The following DENND1A variants were observed in gnomAD, a reference collection of about 807,000 sequenced individuals.
The protein encoded by DENND1A is DENN domain containing 1A.
DENND1A carries 51 observed loss-of-function variants against 113.7 expected under a neutral mutation model. The observed-to-expected ratio is 0.45, with a 90% CI of 0.36 to 0.57. DENND1A has a LOEUF of 0.57. DENND1A is among the 20% of genes least tolerant of loss of function. The probability of loss-of-function intolerance (pLI) is 0.00; values close to 1 mark genes in which losing one functional copy is unlikely to be tolerated. For missense variants in DENND1A, 1,258 were observed against 1,395.9 expected, an observed-to-expected ratio of 0.90 and a Z score of 1.57; for synonymous variants, 565 against 570.8, an observed-to-expected ratio of 0.99 and a Z score of 0.14.
At chr9:123,813,468 C>T (rs1303909299) in intron 2 of DENND1A, among the ~76,000 whole-genome samples, 1 of 151,126 alleles carries the variant, frequency 6.6e-6, no homozygotes, top group Admixed American at 6.6e-5. Flanking sequence ...TGGTGATAAC[C>T]TTTTTATTTC....
At chr9:123,748,601 C>T (rs1434382619) in intron 5 of DENND1A, among the ~76,000 whole-genome samples, 2 of 152,192 alleles carry the variant, frequency 1.3e-5, no homozygotes, top group Non-Finnish European at 2.9e-5. Flanking sequence ...ATCCATCTTG[C>T]TCTTAAGAGT....
chr9:123,462,459 A>T (rs2048604510), intron 13 of DENND1A, among the ~76,000 whole-genome samples: 1 of 152,134 alleles, frequency 6.6e-6, no homozygotes, highest in African/African-American at 2.4e-5. Context: ...CTCAGTCCTA[A>T]ATGCTTGCCC....
At chr9:123,491,973 G>C (rs1218412946) in intron 13 of DENND1A, 1 of 152,274 alleles carries the variant, frequency 6.6e-6, no homozygotes, top group Non-Finnish European at 1.5e-5. Flanking sequence ...TAACTCTAAA[G>C]AAACAGCTGG....
At chr9:123,783,057 C>G (rs746450448) in intron 3 of DENND1A, among the ~76,000 whole-genome samples, 5 of 152,140 alleles carry the variant, frequency 3.3e-5, no homozygotes, top group Non-Finnish European at 7.4e-5. Context: ...AAATACTACA[C>G]ACAACCAAAA....
chr9:123,603,727 A>G (rs762138386), intron 11 of DENND1A, among the ~76,000 whole-genome samples: 5 of 152,224 alleles, frequency 3.3e-5, no homozygotes, highest in Non-Finnish European at 5.9e-5. Context: ...AGGTGTAGAA[A>G]AAGTAACTAA....
intron 1 of DENND1A, among the ~76,000 whole-genome samples, chr9:123,918,651 T>TA (rs1855678428): frequency 6.6e-6 from 1 of 152,120 alleles, no homozygotes; most frequent in Non-Finnish European, 1.5e-5. Context: ...TGAAAATGTT[T>TA]AAAAAATTAA....
chr9:123,636,301 CA>C (rs2061695714), intron 9 of DENND1A, among the ~76,000 whole-genome samples: 1 of 151,962 alleles, frequency 6.6e-6, no homozygotes, highest in African/African-American at 2.4e-5. Context: ...GTTCAAGGAC[CA>C]AGACCACATC....
Position 123,382,131 on chromosome 9 carries a change from C to G in DENND1A, c.2514G>C (p.Thr838=). 6.3e-7 allele frequency: 1 copy of G among 1,590,042 alleles called. No homozygotes were observed. The highest frequency in any genetic ancestry group is 8.6e-7 in the Non-Finnish European group (1 of 1,168,748). The part of the protein sequence containing the change: ...PLSPGPGAAG[T]SSDALLALLD... ...GGAGGGCGAGCAGGGCGTCACTGCT[C>G]GTGCCTGCAGCCCCGGGGCCAGGGC... The change falls in exon 24 of 24, where the codon ACG becomes ACC. Residue 838 remains threonine, a synonymous_variant. Transcript: ENST00000394215.
intron 5 of DENND1A, among the ~76,000 whole-genome samples, chr9:123,754,422 C>T (rs1049430816): frequency 3.3e-5 from 5 of 152,194 alleles, no homozygotes; most frequent in African/African-American, 1.2e-4. Context: ...GAAAAGATAG[C>T]TTCTCTACCC....
intron 13 of DENND1A, among the ~76,000 whole-genome samples, chr9:123,485,916 G>A (rs1407302881): frequency 1.3e-5 from 2 of 152,188 alleles, no homozygotes. Context: ...TAGCACTGCA[G>A]CAGATTTCAT....
intron 10 of DENND1A, among the ~76,000 whole-genome samples, chr9:123,620,468 T>G (rs910324983): frequency 6.6e-6 from 1 of 152,122 alleles, no homozygotes; most frequent in Non-Finnish European, 1.5e-5. Context: ...CAAAAGACAC[T>G]GAGGCTCAGG....
intron 19 of DENND1A, among the ~76,000 whole-genome samples, chr9:123,437,383 C>T (rs2046601283): frequency 6.6e-6 from 1 of 152,224 alleles, no homozygotes; most frequent in Non-Finnish European, 1.5e-5. Flanking sequence ...CGCTGCAGAG[C>T]TGCCGTCAGA....
chr9:123,677,601 T>G (rs967660388), intron 5 of DENND1A, among the ~76,000 whole-genome samples: 1 of 152,060 alleles, frequency 6.6e-6, no homozygotes, highest in African/African-American at 2.4e-5. Flanking sequence ...GCCTGGCTAA[T>G]TTTTGTATTT....
At chr9:123,482,620 T>G (rs1220136379) in intron 13 of DENND1A, among the ~76,000 whole-genome samples, 1 of 152,182 alleles carries the variant, frequency 6.6e-6, no homozygotes, top group East Asian at 1.9e-4. Flanking sequence ...CCCCTGGAGC[T>G]ATCACAGTCA....
intron 11 of DENND1A, among the ~76,000 whole-genome samples, chr9:123,589,257 G>A (rs561220310): frequency 5.3e-5 from 8 of 151,938 alleles, no homozygotes; most frequent in East Asian, 1.9e-4. Flanking sequence ...ATATAATATC[G>A]TCATGAAATC....
chr9:123,568,094 T>A (rs2058153289), intron 12 of DENND1A, among the ~76,000 whole-genome samples: 2 of 152,174 alleles, frequency 1.3e-5, no homozygotes, highest in Admixed American at 6.5e-5. Flanking sequence ...GATGGAGCAA[T>A]GGCAGCATGT....
intron 19 of DENND1A, among the ~76,000 whole-genome samples, chr9:123,425,521 T>C (rs1352973727): frequency 6.6e-6 from 1 of 152,260 alleles, no homozygotes; most frequent in African/African-American, 2.4e-5. Context: ...CTGAACCGAC[T>C]GACTACTCAA....
chr9:123,575,383 G>A (rs1039281840), intron 12 of DENND1A, among the ~76,000 whole-genome samples: 4 of 152,146 alleles, frequency 2.6e-5, no homozygotes, highest in Non-Finnish European at 4.4e-5. Context: ...GCTGGGTTCC[G>A]AACAGGCCAT....
intron 12 of DENND1A, among the ~76,000 whole-genome samples, chr9:123,569,148 A>C (rs184609118): frequency 2.0e-3 from 304 of 152,338 alleles, no homozygotes; most frequent in Non-Finnish European, 3.6e-3. Flanking sequence ...TGTTACGACA[A>C]ATATTAAACC....
Sources: gnomAD v4.1 joint callset for allele counts (sites outside exome capture counted in the v4.1 genomes callset) on GRCh38, gnomAD v4.1.1 for gene constraint, MANE v1.5 for transcripts, NCBI Gene and HGNC (gene_info 2026-07-23, HGNC 2026-07-21) for gene names.